CSMD1: variants seen among roughly 807,000 people sequenced by gnomAD.
The protein encoded by CSMD1 is CUB and sushi domain-containing protein 1.
Under a neutral mutation model 417.5 loss-of-function variants are expected in CSMD1, and 213 were observed. The ratio of observed to expected loss-of-function variants is 0.51; its 90% CI spans 0.46 to 0.57. CSMD1 has a LOEUF of 0.57. Ranked by LOEUF, CSMD1 falls within the 20% of genes least tolerant of loss-of-function variation. The pLI is 0.00. For synonymous variants in CSMD1, 2,862 were observed against 1,736.8 expected, an observed-to-expected ratio of 1.65 and a Z score of -16.11; for missense variants, 6,923 against 4,529.7, an observed-to-expected ratio of 1.53 and a Z score of -15.17.
At chr8:4,380,076 T>G (rs1803003920) in intron 3 of CSMD1, among the ~76,000 whole-genome samples, 1 of 152,204 alleles carries the variant, frequency 6.6e-6, no homozygotes, top group Non-Finnish European at 1.5e-5. Flanking sequence ...GATAAATGAT[T>G]GGGATAAAAA....
chr8:3,443,122 C>T lies in CSMD1; in HGVS notation c.1561+25590G>A, dbSNP rs112674762. ...TACTTATGATGCCTTTTCTAGCAGACATCCACTAGTGAGCAGTGTACACTG... is the reference window on the plus strand; with the variant it reads ...TACTTATGATGCCTTTTCTAGCAGATATCCACTAGTGAGCAGTGTACACTG... On this transcript the variant is annotated intron_variant, in intron 12 of 69. Coordinates refer to ENST00000635120, the MANE Select transcript of CSMD1 (RefSeq NM_033225.6). Among the ~76,000 whole-genome samples, 75 of 152,320 alleles carry T rather than the reference C, an allele frequency of 4.9e-4. 1 individual carries two copies. The highest frequency in any genetic ancestry group is 1.8e-3 in the African/African-American group (73 of 41,568).
chr8:4,660,883 A>C (rs1444822354), intron 1 of CSMD1, among the ~76,000 whole-genome samples: 1 of 152,196 alleles, frequency 6.6e-6, no homozygotes, highest in East Asian at 1.9e-4. Context: ...AACATTAGCT[A>C]TTAGGGAAAT....
intron 25 of CSMD1, among the ~76,000 whole-genome samples, chr8:3,300,163 T>G (rs1413561184): frequency 2.0e-5 from 3 of 152,244 alleles, no homozygotes; most frequent in Non-Finnish European, 2.9e-5. Context: ...CAAATTTGGA[T>G]GTAAACATTT....
chr8:4,359,902 C>A (rs10101518), intron 3 of CSMD1, among the ~76,000 whole-genome samples: 1 of 151,978 alleles, frequency 6.6e-6, no homozygotes, highest in Admixed American at 6.5e-5. Flanking sequence ...TACCTTTTAA[C>A]CACAGTTTAA....
At chr8:3,709,478 A>T (rs747946103) in intron 6 of CSMD1, among the ~76,000 whole-genome samples, 19 of 152,056 alleles carry the variant, frequency 1.2e-4, no homozygotes, top group Admixed American at 4.6e-4. Context: ...ACATTGGGCC[A>T]GAGGAGATTC....
intron 3 of CSMD1, among the ~76,000 whole-genome samples, chr8:4,253,156 T>C (rs566590588): frequency 3.9e-5 from 6 of 152,158 alleles, no homozygotes; most frequent in Non-Finnish European, 7.3e-5. Context: ...AACGATAAAC[T>C]CATTAGGAAA....
intron 54 of CSMD1, among the ~76,000 whole-genome samples, chr8:2,995,900 G>A (rs1403964160): frequency 6.6e-6 from 1 of 152,192 alleles, no homozygotes; most frequent in Non-Finnish European, 1.5e-5. Flanking sequence ...AATTAAGAAT[G>A]AGGTTGGGAT....
intron 8 of CSMD1, among the ~76,000 whole-genome samples, chr8:3,592,435 G>T (rs1374123787): frequency 6.6e-6 from 1 of 152,050 alleles, no homozygotes; most frequent in South Asian, 2.1e-4. Context: ...TCAAGCAGCA[G>T]AAAACACAAA....
At chr8:4,221,282 T>A (rs1470203869) in intron 3 of CSMD1, among the ~76,000 whole-genome samples, 1 of 151,858 alleles carries the variant, frequency 6.6e-6, no homozygotes, top group Non-Finnish European at 1.5e-5. Flanking sequence ...AATTTTCAGT[T>A]AAACATGGCA....
chr8:4,883,050 G>T (rs961336250), intron 1 of CSMD1, among the ~76,000 whole-genome samples: 2 of 152,044 alleles, frequency 1.3e-5, no homozygotes, highest in Non-Finnish European at 2.9e-5. Context: ...TCGTTAGAGT[G>T]CTATGGATTA....
At chr8:3,202,834 C>T (rs1563138663) in intron 31 of CSMD1, among the ~76,000 whole-genome samples, 1 of 152,156 alleles carries the variant, frequency 6.6e-6, no homozygotes, top group Non-Finnish European at 1.5e-5. Context: ...TATAACTTGT[C>T]TTTTAAGATT....
At chr8:3,321,221 T>C (rs943314260) in intron 23 of CSMD1, among the ~76,000 whole-genome samples, 4 of 152,110 alleles carry the variant, frequency 2.6e-5, no homozygotes, top group Non-Finnish European at 5.9e-5. Context: ...ACAAGATTGC[T>C]GTTGTTGCTG....
intron 25 of CSMD1, among the ~76,000 whole-genome samples, chr8:3,306,358 GT>G (rs1397468506): frequency 6.6e-6 from 1 of 152,156 alleles, no homozygotes; most frequent in Non-Finnish European, 1.5e-5. Context: ...ATTTTTAGTG[GT>G]GATGGAGTTT....
chr8:3,869,448 G>A (rs147504127), intron 5 of CSMD1, among the ~76,000 whole-genome samples: 11 of 152,220 alleles, frequency 7.2e-5, no homozygotes, highest in Admixed American at 3.9e-4. Context: ...TTCATAAAGC[G>A]TGTCTCACCT....
intron 5 of CSMD1, among the ~76,000 whole-genome samples, chr8:3,927,287 A>G (rs142011753): frequency 7.0e-4 from 107 of 152,136 alleles, no homozygotes; most frequent in African/African-American, 2.5e-3. Flanking sequence ...ATAATTATTA[A>G]GGTGCCAGAC....
At chr8:4,920,705 C>A (rs1806379667) in intron 1 of CSMD1, among the ~76,000 whole-genome samples, 1 of 151,778 alleles carries the variant, frequency 6.6e-6, no homozygotes, top group Non-Finnish European at 1.5e-5. Flanking sequence ...TGTCTGCAAT[C>A]CCAGCTACTT....
intron 2 of CSMD1, among the ~76,000 whole-genome samples, chr8:4,618,619 A>T (rs574595544): frequency 6.6e-6 from 1 of 152,214 alleles, no homozygotes. Flanking sequence ...TGAGCTTCAG[A>T]TCTGAAATGA....
chr8:3,427,439 A>T (rs965229027), intron 12 of CSMD1, among the ~76,000 whole-genome samples: 1 of 152,192 alleles, frequency 6.6e-6, no homozygotes, highest in African/African-American at 2.4e-5. Context: ...TAATGATTCC[A>T]CAATTCCTAT....
intron 23 of CSMD1, among the ~76,000 whole-genome samples, chr8:3,332,820 G>A (rs956790323): frequency 1.3e-5 from 2 of 152,230 alleles, no homozygotes; most frequent in Admixed American, 1.3e-4. Flanking sequence ...AACCCTGGAT[G>A]TATGAATGAT....
Sources: gnomAD v4.1 joint callset for allele counts (sites outside exome capture counted in the v4.1 genomes callset) on GRCh38, gnomAD v4.1.1 for gene constraint, MANE v1.5 for transcripts, NCBI Gene and HGNC (gene_info 2026-07-23, HGNC 2026-07-21) for gene names.